The following C9orf85 variants were observed in gnomAD, a reference collection of about 807,000 sequenced individuals.
C9orf85 encodes chromosome 9 open reading frame 85.
A neutral mutation model predicts 14.9 loss-of-function variants in C9orf85; 16 were observed. The ratio of observed to expected loss-of-function variants is 1.08; its 90% CI spans 0.73 to 1.63. C9orf85 has a LOEUF of 1.63. Ranked by LOEUF, C9orf85 falls within the 40% of genes most tolerant of loss-of-function variation. The pLI, the probability that C9orf85 is intolerant of heterozygous loss-of-function variation, is 0.00. For missense variants in C9orf85, 172 were observed against 186.1 expected (o/e 0.92, Z 0.44); for synonymous variants, 45 against 56.8 (o/e 0.79, Z 0.93).
chr9:71,932,643 C>A (rs186078052), intron 1 of C9orf85, among the ~76,000 whole-genome samples: 2 of 152,122 alleles, frequency 1.3e-5, no homozygotes. Flanking sequence ...GAAGCAAACC[C>A]TGGGGAAAGA....
intron 2 of C9orf85, among the ~76,000 whole-genome samples, chr9:71,949,520 G>A (rs1353811389): frequency 6.6e-6 from 1 of 150,918 alleles, no homozygotes; most frequent in African/African-American, 2.5e-5. Flanking sequence ...TCTTGTAGAG[G>A]AGGAAAAAAG....
intron 1 of C9orf85, among the ~76,000 whole-genome samples, chr9:71,924,829 G>C (rs1355214592): frequency 6.6e-6 from 1 of 152,106 alleles, no homozygotes; most frequent in Non-Finnish European, 1.5e-5. Context: ...TATAGTAATA[G>C]GATGTCATGT....
chr9:71,933,833 CAGA>C (rs1340358998), intron 1 of C9orf85, among the ~76,000 whole-genome samples: 1 of 152,138 alleles, frequency 6.6e-6, no homozygotes, highest in Non-Finnish European at 1.5e-5. Context: ...GAAGAGCCTT[CAGA>C]AGGTCATGCC....
At chr9:71,934,188 A>G (rs1475709403) in intron 1 of C9orf85, among the ~76,000 whole-genome samples, 1 of 18,042 alleles carries the variant, frequency 5.5e-5, no homozygotes, top group Non-Finnish European at 8.4e-4. Flanking sequence ...TACTAAAAAT[A>G]CAAAAATTAG....
At chr9:71,917,053 C>T (rs1362297094) in intron 1 of C9orf85, among the ~76,000 whole-genome samples, 1 of 152,182 alleles carries the variant, frequency 6.6e-6, no homozygotes, top group Non-Finnish European at 1.5e-5. Flanking sequence ...ATAATTAGCA[C>T]ATGCCTCTTC....
In C9orf85 at chr9:71,911,695, T is replaced by C. The variant is rs199846386; in HGVS notation, c.-40T>C. 1.3e-6 allele frequency: 2 copies of C among 1,565,552 alleles called. No individual in the cohort carries two copies. The highest frequency in any genetic ancestry group is 2.2e-5 in the East Asian group (1 of 44,626). On this transcript the variant is annotated 5_prime_UTR_variant, in exon 1 of 4. Transcript: ENST00000334731. Reference sequence around the variant, plus strand: ...TCGTTGGTTTTCTTTCCCCTCATCCTTTTGCCTGCTCCCGGCGAGGGGTGG... The same window carrying C: ...TCGTTGGTTTTCTTTCCCCTCATCCCTTTGCCTGCTCCCGGCGAGGGGTGG...
chr9:71,976,760 G>A (rs1375898104), downstream of C9orf85, among the ~76,000 whole-genome samples: 3 of 146,768 alleles, frequency 2.0e-5, no homozygotes, highest in Non-Finnish European at 4.5e-5. Flanking sequence ...AGGTGATTCT[G>A]ATCAACTGTA....
chr9:71,981,018 A>G (rs977962827), intron 3 of C9orf85, among the ~76,000 whole-genome samples: 3 of 152,228 alleles, frequency 2.0e-5, no homozygotes, highest in African/African-American at 7.2e-5. Context: ...GGAAATGCTT[A>G]ATGATGCTAT....
At chr9:71,959,416 C>T (rs1023255865) in intron 2 of C9orf85, among the ~76,000 whole-genome samples, 9 of 152,148 alleles carry the variant, frequency 5.9e-5, no homozygotes, top group African/African-American at 1.9e-4. Flanking sequence ...GGATTACAGG[C>T]GTGAGCCACT....
At chr9:71,918,413 C>T in intron 1 of C9orf85, 1 of 1,301,044 alleles carries the variant, frequency 7.7e-7, no homozygotes. Flanking sequence ...TTCATCTTTA[C>T]CTTTTTGTAA....
intron 3 of C9orf85, among the ~76,000 whole-genome samples, 155 bp from the exon 4 acceptor site, chr9:71,972,537 G>T (rs929490181): frequency 6.6e-6 from 1 of 152,190 alleles, no homozygotes; most frequent in African/African-American, 2.4e-5. Context: ...GGGATTACAG[G>T]CATGAGCCAC....
chr9:71,938,776 A>G (rs2132290672), intron 1 of C9orf85, among the ~76,000 whole-genome samples: 1 of 151,906 alleles, frequency 6.6e-6, no homozygotes, highest in African/African-American at 2.4e-5. Context: ...CATGTTTATT[A>G]GAAGTTTTCT....
chr9:71,918,172 GAAAAAA>G (rs893887559), intron 1 of C9orf85, among the ~76,000 whole-genome samples: 1 of 151,472 alleles, frequency 6.6e-6, no homozygotes, highest in Admixed American at 6.6e-5. Flanking sequence ...CACAGGGAGG[GAAAAAA>G]AATAGGTATT....
At chr9:71,974,125 C>T (rs1822958982), downstream of C9orf85, among the ~76,000 whole-genome samples, 1 of 151,896 alleles carries the variant, frequency 6.6e-6, no homozygotes, top group African/African-American at 2.4e-5. Context: ...CGGGGTTTCA[C>T]CATGTTGGCC....
chr9:71,983,749 A>C (rs1426289729), downstream of C9orf85: 1 of 152,238 alleles, frequency 6.6e-6, no homozygotes, highest in Non-Finnish European at 1.5e-5. Flanking sequence ...ATGAACTTCT[A>C]AGAATTTTTG....
rs1210142648 is a variant in C9orf85, at chr9:71,973,350, A to G, written c.*508A>G. ...AAGATTCAGAATTGATGGTTGTATA[A>G]GAACTAGCTCATGTAAAAATAAAAT... On this transcript the variant is annotated 3_prime_UTR_variant, in exon 4 of 4. Transcript: ENST00000334731. The G allele has an allele frequency of 6.6e-6, 1 of 152,216 alleles. No homozygotes were observed. Among genetic ancestry groups the G allele is most frequent in the South Asian group, 2.1e-4 (1 of 4,836 alleles). The allele number at this position is 152,216 out of a possible 1,614,324, so 9.4% of individuals were successfully genotyped here. A position where few individuals can be genotyped will look rare whatever the true frequency, so the allele number is the denominator to read the frequency against.
intron 1 of C9orf85, among the ~76,000 whole-genome samples, chr9:71,913,523 T>C (rs1366514290): frequency 6.6e-6 from 1 of 152,208 alleles, no homozygotes; most frequent in Non-Finnish European, 1.5e-5. Context: ...CCCACTTAGG[T>C]TGAGAGGTTT....
chr9:71,942,902 CAAAA>C (rs10708553), intron 1 of C9orf85, among the ~76,000 whole-genome samples: 17 of 122,870 alleles, frequency 1.4e-4, no homozygotes, highest in Non-Finnish European at 1.4e-4. Flanking sequence ...GACTCCGACT[CAAAA>C]AAAAAAAAAA....
At chr9:71,979,512 G>A (rs1452865520) in intron 3 of C9orf85, among the ~76,000 whole-genome samples, 1 of 152,174 alleles carries the variant, frequency 6.6e-6, no homozygotes, top group African/African-American at 2.4e-5. Flanking sequence ...GAAACCTGGA[G>A]ACGGAATTCC....
Sources: gnomAD v4.1 joint callset for allele counts (sites outside exome capture counted in the v4.1 genomes callset) on GRCh38, gnomAD v4.1.1 for gene constraint, MANE v1.5 for transcripts, NCBI Gene and HGNC (gene_info 2026-07-23, HGNC 2026-07-21) for gene names.